Variants in DLC1 observed in about 807,000 individuals in gnomAD.
The protein encoded by DLC1 is DLC1 Rho GTPase activating protein.
DLC1 carries 54 observed loss-of-function variants against 140.3 expected under a neutral mutation model. The observed-to-expected ratio is 0.38, with a 90% CI of 0.31 to 0.48. DLC1 has a LOEUF of 0.48. DLC1 is among the 20% of genes least tolerant of loss of function. The pLI, the probability that DLC1 is intolerant of heterozygous loss-of-function variation, is 0.96. For missense variants in DLC1, 2,536 were observed against 1,907.0 expected (o/e 1.33, Z -6.14); for synonymous variants, 986 against 728.1 (o/e 1.35, Z -5.70).
intron 6 of DLC1, among the ~76,000 whole-genome samples, chr8:13,113,283 G>C (rs746511962): frequency 2.6e-5 from 4 of 152,164 alleles, no homozygotes; most frequent in Non-Finnish European, 4.4e-5. Flanking sequence ...GCTTAACAGG[G>C]GGACATGTGT....
intron 2 of DLC1, among the ~76,000 whole-genome samples, chr8:13,427,281 C>G (rs573023115): frequency 1.3e-5 from 2 of 152,120 alleles, no homozygotes; most frequent in Non-Finnish European, 2.9e-5. Flanking sequence ...CTCTGTCCAA[C>G]TCGGCTCATG....
intron 2 of DLC1, among the ~76,000 whole-genome samples, chr8:13,484,813 C>T (rs530897582): frequency 2.6e-5 from 4 of 151,964 alleles, no homozygotes; most frequent in South Asian, 4.2e-4. Context: ...AAGTCCATCT[C>T]GTCCTTCTCA....
intron 5 of DLC1, among the ~76,000 whole-genome samples, chr8:13,150,894 A>G (rs535040063): frequency 1.3e-5 from 2 of 152,256 alleles, no homozygotes; most frequent in Non-Finnish European, 2.9e-5. Flanking sequence ...ATGAGCCTTC[A>G]TAAGTAATAG....
intron 2 of DLC1, among the ~76,000 whole-genome samples, chr8:13,471,081 CA>C (rs1800184488): frequency 6.7e-6 from 1 of 149,050 alleles, no homozygotes; most frequent in African/African-American, 2.5e-5. Flanking sequence ...TTAGAGTCTA[CA>C]ATGGTCAAAT....
At chr8:13,086,059 G>T in intron 17 of DLC1, 128 bp from the exon 18 acceptor site, 1 of 1,434,688 alleles carries the variant, frequency 7.0e-7, no homozygotes. Flanking sequence ...TGAATTCATG[G>T]CCGAGCTACC....
intron 2 of DLC1, among the ~76,000 whole-genome samples, chr8:13,478,637 T>G (rs1007073675): frequency 3.3e-4 from 50 of 152,298 alleles, no homozygotes; most frequent in African/African-American, 1.2e-3. Context: ...TCTCATCAGT[T>G]CAAGGCTATC....
Position 13,363,180 on chromosome 8 carries a change from C to A in DLC1, c.1314+30373G>T, listed in dbSNP as rs529650933. Among the ~76,000 whole-genome samples, 13 of 152,308 alleles carry A rather than the reference C, an allele frequency of 8.5e-5. No individual in the cohort carries two copies. The East Asian group carries it at 2.5e-3, about 29-fold the overall frequency. ...TGTCTACACATGAGAGCCCATGGAACTAACCTGAAAGTATTTCTGTATTTT... is the reference window on the plus strand; with the variant it reads ...TGTCTACACATGAGAGCCCATGGAAATAACCTGAAAGTATTTCTGTATTTT... On this transcript the variant is annotated intron_variant, in intron 4 of 17. Coordinates refer to ENST00000276297, the MANE Select transcript of DLC1 (RefSeq NM_182643.3).
chr8:13,107,330 C>G (rs1344832439), intron 7 of DLC1, among the ~76,000 whole-genome samples: 1 of 152,182 alleles, frequency 6.6e-6, no homozygotes, highest in African/African-American at 2.4e-5. Flanking sequence ...GTAAATGTCA[C>G]AGGTACATGA....
chr8:13,118,126 C>T (rs1021410199), intron 5 of DLC1, among the ~76,000 whole-genome samples: 1 of 151,622 alleles, frequency 6.6e-6, no homozygotes, highest in Non-Finnish European at 1.5e-5. Flanking sequence ...CCTCCCACCT[C>T]CGCCTCCCAA....
chr8:13,375,532 C>T (rs1835937351), intron 4 of DLC1, among the ~76,000 whole-genome samples: 1 of 152,262 alleles, frequency 6.6e-6, no homozygotes, highest in African/African-American at 2.4e-5. Context: ...CTGGCTAGAA[C>T]TTCCAACACT....
intron 4 of DLC1, among the ~76,000 whole-genome samples, chr8:13,380,777 G>C (rs1451640469): frequency 6.6e-6 from 1 of 152,214 alleles, no homozygotes; most frequent in African/African-American, 2.4e-5. Context: ...AAAGTAAGTA[G>C]TGAGATAGAC....
chr8:13,235,529 T>C (rs1427949165), intron 5 of DLC1, among the ~76,000 whole-genome samples: 6 of 152,102 alleles, frequency 3.9e-5, no homozygotes, highest in African/African-American at 1.4e-4. Flanking sequence ...GTAGCTATTC[T>C]AGGCAGATTT....
chr8:13,111,996 A>G (rs1414966440), intron 6 of DLC1, among the ~76,000 whole-genome samples: 1 of 151,986 alleles, frequency 6.6e-6, no homozygotes, highest in Non-Finnish European at 1.5e-5. Flanking sequence ...AAAAATCTAA[A>G]AAAATTTTAC....
chr8:13,308,833 C>T (rs986649964), intron 4 of DLC1, among the ~76,000 whole-genome samples: 1 of 152,048 alleles, frequency 6.6e-6, no homozygotes, highest in East Asian at 1.9e-4. Context: ...GGGCAGGAGG[C>T]ATTGATTGGG....
intron 5 of DLC1, among the ~76,000 whole-genome samples, chr8:13,221,391 G>A (rs1332170351): frequency 1.3e-5 from 2 of 148,854 alleles, no homozygotes; most frequent in Admixed American, 1.3e-4. Flanking sequence ...TTTGTTTTGA[G>A]ACGGAGCCTT....
At chr8:13,268,206 T>C (rs1397582922) in intron 5 of DLC1, among the ~76,000 whole-genome samples, 1 of 152,218 alleles carries the variant, frequency 6.6e-6, no homozygotes, top group East Asian at 1.9e-4. Flanking sequence ...CAGTATGTCA[T>C]TTTAAAAAAT....
intron 5 of DLC1, among the ~76,000 whole-genome samples, chr8:13,155,811 G>C (rs1004646122): frequency 6.6e-6 from 1 of 152,166 alleles, no homozygotes; most frequent in Admixed American, 6.5e-5. Flanking sequence ...TAGGTTGGTA[G>C]TAACTTTAAC....
intron 5 of DLC1, among the ~76,000 whole-genome samples, chr8:13,137,519 T>C (rs1169615986): frequency 1.3e-5 from 2 of 152,010 alleles, no homozygotes; most frequent in African/African-American, 4.8e-5. Context: ...TTTTAAAACA[T>C]GATTTGGCAA....
chr8:13,242,488 C>T (rs533225095), intron 5 of DLC1, among the ~76,000 whole-genome samples: 59 of 152,020 alleles, frequency 3.9e-4, no homozygotes, highest in East Asian at 2.3e-3. Flanking sequence ...CTTGACCTCC[C>T]GGGCTCAATG....
Sources: allele counts gnomAD v4.1 joint callset (sites outside exome capture counted in the v4.1 genomes callset), GRCh38; gene constraint gnomAD v4.1.1; transcripts MANE v1.5; gene names NCBI Gene and HGNC (gene_info 2026-07-23, HGNC 2026-07-21).